The following ESR2 variants were observed in gnomAD, a reference collection of about 807,000 sequenced individuals.
The protein encoded by ESR2 is estrogen receptor 2, also known as estrogen receptor beta.
In ESR2, 36 loss-of-function variants were observed where a neutral mutation model predicts 49.6. That is an observed-to-expected ratio of 0.73 (90% CI 0.56 to 0.96). ESR2 has a LOEUF of 0.96. Ranked by LOEUF, ESR2 falls within the 40% of genes least tolerant of loss-of-function variation. ESR2 has a pLI of 0.00. For synonymous variants in ESR2, 320 were observed against 266.1 expected, an observed-to-expected ratio of 1.20 and a Z score of -1.97; for missense variants, 714 against 693.0, an observed-to-expected ratio of 1.03 and a Z score of -0.34.
intron 7 of ESR2, among the ~76,000 whole-genome samples, chr14:64,237,127 A>T (rs2075621613): frequency 6.6e-6 from 1 of 151,480 alleles, no homozygotes; most frequent in African/African-American, 2.4e-5. Flanking sequence ...TGCCCAGCAA[A>T]TTTTTTGTAT....
At chr14:64,292,424 T>C (rs575307829) in intron 1 of ESR2, among the ~76,000 whole-genome samples, 131 of 152,314 alleles carry the variant, frequency 8.6e-4, no homozygotes, top group Middle Eastern at 6.8e-3. Flanking sequence ...TCAGAATTCA[T>C]AGAGGTACAT....
intron 1 of ESR2, among the ~76,000 whole-genome samples, chr14:64,310,286 AAATAAT>A (rs140862502): frequency 0.061 from 8,645 of 142,426 alleles, 362 homozygotes; most frequent in Non-Finnish European, 0.083. Context: ...TCGTCTCAAA[AAATAAT>A]AATAATAATA....
Position 64,283,032 on chromosome 14 carries a change from A to C in ESR2, c.-47T>G, listed in dbSNP as rs780545357. On this transcript the variant is annotated 5_prime_UTR_variant, in exon 2 of 9. Transcript: ENST00000341099. ...AAACACCTTGCAAGAAGAGGCACAA[A>C]GGTCATTATAATGTTCTCAAAGATT... 2.6e-6 allele frequency: 4 copies of C among 1,558,944 alleles called. No individual in the cohort carries two copies. In the South Asian group the frequency reaches 5.0e-5, roughly 19 times the overall value.
At chr14:64,288,032 AGTCACCATAACCT>A (rs2076809355) in intron 1 of ESR2, among the ~76,000 whole-genome samples, 1 of 152,216 alleles carries the variant, frequency 6.6e-6, no homozygotes, top group Non-Finnish European at 1.5e-5. Flanking sequence ...AATTTTCTTT[AGTCACCATAACCT>A]AAAATAGTTG....
In ESR2 at chr14:64,249,564, T is replaced by C. The variant is rs771907276; in HGVS notation, c.1207A>G (p.Met403Val). The C allele has an allele frequency of 6.2e-7, 1 of 1,614,004 alleles. No individual in the cohort carries two copies. Among genetic ancestry groups the C allele is most frequent in the Non-Finnish European group, 8.5e-7 (1 of 1,179,968 alleles). The stretch of plus-strand genomic sequence containing the variant: ...TACTTACTGGAATTGAGCAGGATCA[T>C]GGCCTTGACACAGAGATATTCTTTG... ...QHKEYLCVKA[M>V]ILLNSSMYPL... is the part of the protein sequence containing the mutation. Residue 403 changes from methionine to valine, a missense_variant, in exon 7 of 9, where the codon ATG becomes GTG. Physicochemically the swap from Met to Val is conservative, Grantham distance 21. Coordinates refer to ENST00000341099, the MANE Select transcript of ESR2 (RefSeq NM_001437.3).
At chr14:64,329,276 G>A (rs2077425794) in intron 1 of ESR2, among the ~76,000 whole-genome samples, 1 of 152,068 alleles carries the variant, frequency 6.6e-6, no homozygotes. Context: ...CTCTAGAAGG[G>A]CACCACACCA....
At chr14:64,240,633 C>T (rs1289944563) in intron 7 of ESR2, among the ~76,000 whole-genome samples, 1 of 152,154 alleles carries the variant, frequency 6.6e-6, no homozygotes, top group South Asian at 2.1e-4. Context: ...ATCACCACAA[C>T]CAAGATAATG....
intron 1 of ESR2, among the ~76,000 whole-genome samples, chr14:64,326,280 T>A (rs1396409747): frequency 6.6e-6 from 1 of 152,142 alleles, no homozygotes; most frequent in Non-Finnish European, 1.5e-5. Flanking sequence ...TCAACCCTCC[T>A]TCACTCAATG....
chr14:64,284,644 A>G (rs928931043), intron 1 of ESR2, among the ~76,000 whole-genome samples: 3 of 151,920 alleles, frequency 2.0e-5, no homozygotes, highest in Non-Finnish European at 1.5e-5. Flanking sequence ...AATTAATACA[A>G]TATCTGAGGG....
At chr14:64,236,010 T>A (rs1263717302) in intron 7 of ESR2, among the ~76,000 whole-genome samples, 2 of 152,182 alleles carry the variant, frequency 1.3e-5, no homozygotes, top group African/African-American at 2.4e-5. Context: ...AAAGCAAGAA[T>A]AAATATGTGA....
Position 64,261,221 on chromosome 14 carries a change from C to G in ESR2, c.653-473G>C, listed in dbSNP as rs554609862. On this transcript the variant is annotated intron_variant, in intron 4 of 8. Coordinates refer to ENST00000341099, the MANE Select transcript of ESR2 (RefSeq NM_001437.3). ...ATAAACTCTTTCAGTCTTTTTAATGCTTTTATTTTTCTTTTTTCTTTTTTT... is the reference window on the plus strand; with the variant it reads ...ATAAACTCTTTCAGTCTTTTTAATGGTTTTATTTTTCTTTTTTCTTTTTTT... Among the ~76,000 whole-genome samples, 3 of 118,776 alleles carry G rather than the reference C, an allele frequency of 2.5e-5. No homozygotes were observed. In the East Asian group the frequency reaches 6.7e-4, roughly 27 times the overall value. 77.9% of individuals were successfully genotyped at this position (118,776 alleles called of 152,430 possible). A position where few individuals can be genotyped will look rare whatever the true frequency, so the allele number is the denominator to read the frequency against.
In ESR2 at chr14:64,306,480, T is replaced by C. The variant is rs1045288210; in HGVS notation, c.-90-23405A>G. Among the ~76,000 whole-genome samples, 3 of 152,308 alleles carry C rather than the reference T, an allele frequency of 2.0e-5. No homozygotes were observed. In the South Asian group the frequency reaches 6.2e-4, roughly 32 times the overall value. Reference sequence around the variant, plus strand: ...CAAACAAAGGGCCCCTATACCTAGTTTGCTGAGTTTTTATTAGGAACGGAT... The same window carrying C: ...CAAACAAAGGGCCCCTATACCTAGTCTGCTGAGTTTTTATTAGGAACGGAT... On this transcript the variant is annotated intron_variant, in intron 1 of 8. Transcript: ENST00000358599.
rs143025467 is a variant in ESR2 at position 64,262,825 on chromosome 14, C to G, written c.653-2077G>C. Among the ~76,000 whole-genome samples the G allele has an allele frequency of 2.6e-5, 4 of 152,236 alleles. No individual in the cohort carries two copies. In the East Asian group the frequency reaches 7.7e-4, roughly 29 times the overall value. On this transcript the variant is annotated intron_variant, in intron 4 of 8. Transcript: ENST00000341099. ...GTTTAGGAAGGTGAGGCAGGAGAAT[C>G]ACTTGAACCTGGGAGGCAGAGGCTG... is the stretch of plus-strand genomic sequence containing the variant.
Position 64,230,946 on chromosome 14 carries a change from C to G in ESR2, c.*2191G>C, listed in dbSNP as rs925154712. 5 of 137,760 alleles carry G rather than the reference C, an allele frequency of 3.6e-5. No individual in the cohort carries two copies. The highest frequency in any genetic ancestry group is 7.5e-5 in the Non-Finnish European group (5 of 66,264). 8.5% of individuals were successfully genotyped at this position (137,760 alleles called of 1,614,324 possible). A position where few individuals can be genotyped will look rare whatever the true frequency, so the allele number is the denominator to read the frequency against. On this transcript the variant is annotated 3_prime_UTR_variant, in exon 9 of 9. Transcript: ENST00000341099. ...ACAGGGTCTCCCTCTGTCACCCAGG[C>G]TGGAGTGCAATGGACTGCAGCCTTG...
chr14:64,227,518 G>A (rs748273156), downstream of ESR2: 10 of 1,613,630 alleles, frequency 6.2e-6, no homozygotes, highest in African/African-American at 2.7e-5. Flanking sequence ...TTAGGCCACC[G>A]AGTTGATTAG....
intron 1 of ESR2, among the ~76,000 whole-genome samples, chr14:64,319,420 C>T (rs1324891534): frequency 6.6e-6 from 1 of 151,258 alleles, no homozygotes; most frequent in African/African-American, 2.4e-5. Context: ...AAAAAACTGA[C>T]AAGTTGGACT....
intron 1 of ESR2, among the ~76,000 whole-genome samples, chr14:64,286,361 T>C (rs547323593): frequency 6.6e-6 from 1 of 152,106 alleles, no homozygotes; most frequent in African/African-American, 2.4e-5. Context: ...AGTGCAGTGG[T>C]ACAATCTTGG....
chr14:64,336,026 T>G (rs2077527919), intron 1 of ESR2: 1 of 139,146 alleles, frequency 7.2e-6, no homozygotes, highest in Non-Finnish European at 1.6e-5. Flanking sequence ...TGTGTGTGTA[T>G]TTTTAATAGA....
At chr14:64,327,129 T>G (rs536925285) in intron 1 of ESR2, among the ~76,000 whole-genome samples, 2 of 152,156 alleles carry the variant, frequency 1.3e-5, no homozygotes, top group Non-Finnish European at 2.9e-5. Context: ...CTAGAATGGG[T>G]TTTTTTTGTT....
Sources: allele counts gnomAD v4.1 joint callset (sites outside exome capture counted in the v4.1 genomes callset), GRCh38; gene constraint gnomAD v4.1.1; transcripts MANE v1.5; gene names NCBI Gene and HGNC (gene_info 2026-07-23, HGNC 2026-07-21).